The following FRAS1 variants were observed in gnomAD, a reference collection of about 807,000 sequenced individuals.
FRAS1 encodes extracellular matrix organizing protein FRAS1.
A neutral mutation model predicts 435.2 loss-of-function variants in FRAS1; 290 were observed. The ratio of observed to expected loss-of-function variants is 0.67; its 90% CI spans 0.61 to 0.73. The LOEUF is 0.73. Among genes scored for constraint, FRAS1 ranks in the 30% least tolerant of loss-of-function variants. FRAS1 has a pLI of 0.00. For synonymous variants in FRAS1, 1,800 were observed against 1,851.0 expected, an observed-to-expected ratio of 0.97 and a Z score of 0.71; for missense variants, 4,860 against 5,001.5, an observed-to-expected ratio of 0.97 and a Z score of 0.85.
intron 9 of FRAS1, among the ~76,000 whole-genome samples, chr4:78,277,168 G>T (rs775704748): frequency 1.1e-4 from 16 of 152,294 alleles, no homozygotes; most frequent in Admixed American, 4.6e-4. Flanking sequence ...TTGGAAAAGC[G>T]CAGTATTAGG....
intron 27 of FRAS1, 104 bp downstream of exon 27, chr4:78,380,100 A>T (rs1731955447): frequency 2.3e-6 from 3 of 1,296,202 alleles, no homozygotes; most frequent in Non-Finnish European, 3.2e-6. Flanking sequence ...AACCCTTCTC[A>T]TCTGGGGAAG....
chr4:78,375,751 G>T lies in FRAS1; in HGVS notation c.3164G>T (p.Gly1055Val). The T allele has an allele frequency of 1.3e-6, 2 of 1,599,536 alleles. No individual in the cohort carries two copies. The highest frequency in any genetic ancestry group is 1.7e-5 in the Admixed American group (1 of 57,290). The change falls in exon 26 of 74, where the codon GGG becomes GTG. Residue 1055 changes from glycine (G) to valine (V), a missense_variant. Coordinates refer to ENST00000512123, the MANE Select transcript of FRAS1 (RefSeq NM_025074.7). ...AKHKCTACPQ[G>V]CLQCSHRDRC... ...CCTTTTTTAATAGCCTGCCCTCAGG[G>T]GTGCTTGCAGTGCAGCCACAGGGAC...
intron 9 of FRAS1, among the ~76,000 whole-genome samples, chr4:78,272,038 T>C (rs1240207238): frequency 6.6e-6 from 1 of 152,204 alleles, no homozygotes; most frequent in Non-Finnish European, 1.5e-5. Flanking sequence ...CTCACTGTGG[T>C]TTTGATTTGC....
At chr4:78,126,828 A>G (rs2109974631) in intron 2 of FRAS1, among the ~76,000 whole-genome samples, 1 of 152,320 alleles carries the variant, frequency 6.6e-6, no homozygotes, top group South Asian at 2.1e-4. Flanking sequence ...CTTTGTGTGT[A>G]TATGTGTACC....
intron 1 of FRAS1, among the ~76,000 whole-genome samples, chr4:78,059,394 G>C (rs1005450470): frequency 6.6e-6 from 1 of 152,102 alleles, no homozygotes; most frequent in South Asian, 2.1e-4. Flanking sequence ...TGTGTGTCAA[G>C]TGTGTATAAT....
intron 2 of FRAS1, among the ~76,000 whole-genome samples, chr4:78,155,321 G>A (rs775608431): frequency 2.0e-5 from 3 of 152,136 alleles, no homozygotes; most frequent in Non-Finnish European, 2.9e-5. Flanking sequence ...TGGCATGCAT[G>A]TAATGTAAGA....
At position 78,372,793 on chromosome 4, in the gene FRAS1, T is replaced by C. The variant is rs1187856751; in HGVS notation, c.2945T>C (p.Leu982Pro). 1 of 1,613,204 alleles carries C rather than the reference T, an allele frequency of 6.2e-7. No individual in the cohort carries two copies. Among genetic ancestry groups the C allele is most frequent in the Non-Finnish European group, 8.5e-7 (1 of 1,179,706 alleles). Reference sequence around the variant, plus strand: ...CTGCAGTGCATGGATGGCTATGTTCTCCAGGATGGGGCCTGCGTGGAGCAG... The same window carrying C: ...CTGCAGTGCATGGATGGCTATGTTCCCCAGGATGGGGCCTGCGTGGAGCAG... ...DCLQCMDGYV[L>P]QDGACVEQCL... The change falls in exon 24 of 74, where the codon CTC becomes CCC. Residue 982 changes from leucine (L) to proline (P), a missense_variant. By Grantham distance (98) the Leu-to-Pro change is moderately conservative (BLOSUM62 -3). Coordinates refer to ENST00000512123, the MANE Select transcript of FRAS1 (RefSeq NM_025074.7).
At chr4:78,303,425 T>C (rs2110211228) in intron 14 of FRAS1, among the ~76,000 whole-genome samples, 1 of 152,316 alleles carries the variant, frequency 6.6e-6, no homozygotes, top group Non-Finnish European at 1.5e-5. Flanking sequence ...GGGGATGGCA[T>C]TGAATCTGTA....
rs1370658201 is a variant in FRAS1 at position 78,113,628 on chromosome 4, T to C, written c.108+47612T>C. 2.6e-5 allele frequency among the ~76,000 whole-genome samples: 4 copies of C among 152,374 alleles called. No individual in the cohort carries two copies. The East Asian group carries it at 7.7e-4, about 29-fold the overall frequency. Reference sequence around the variant, plus strand: ...TCTTTTGGCTCCATAAATGTCTTCTTTTGAGAAATGTCTGTTCATATCCTT... The same window carrying C: ...TCTTTTGGCTCCATAAATGTCTTCTCTTGAGAAATGTCTGTTCATATCCTT... On this transcript the variant is annotated intron_variant, in intron 2 of 73. Coordinates refer to ENST00000512123, the MANE Select transcript of FRAS1 (RefSeq NM_025074.7).
At position 78,267,373 on chromosome 4, in the gene FRAS1, T is replaced by C; in HGVS notation, c.922T>C (p.Cys308Arg). ...GGGCTCGGCCTGTGAGTTCTGCATG[T>C]GTGATCATGGCCAAGTGACCTGCCA... ...WKGSACEFCM[C>R]DHGQVTCQTG... Residue 308 changes from cysteine to arginine, a missense_variant, in exon 9 of 74, where the codon TGT becomes CGT. Physicochemically the swap from Cys to Arg is radical, Grantham distance 180 (BLOSUM62 -3). Coordinates refer to ENST00000512123, the MANE Select transcript of FRAS1 (RefSeq NM_025074.7). 1 of 1,613,888 alleles carries C rather than the reference T, an allele frequency of 6.2e-7. No homozygotes were observed. The highest frequency in any genetic ancestry group is 8.5e-7 in the Non-Finnish European group (1 of 1,179,858).
chr4:78,437,673 A>G (rs1734484563), intron 38 of FRAS1, among the ~76,000 whole-genome samples: 1 of 152,222 alleles, frequency 6.6e-6, no homozygotes, highest in Admixed American at 6.5e-5. Flanking sequence ...ACAACATAGC[A>G]TGAAAATTTG....
intron 63 of FRAS1, among the ~76,000 whole-genome samples, chr4:78,509,229 T>A (rs1720953707): frequency 6.6e-6 from 1 of 152,242 alleles, no homozygotes; most frequent in Non-Finnish European, 1.5e-5. Context: ...TGGTTCTGCC[T>A]GTTTTAAACT....
chr4:78,142,224 A>G (rs997347418), intron 2 of FRAS1, among the ~76,000 whole-genome samples: 9 of 152,044 alleles, frequency 5.9e-5, no homozygotes, highest in East Asian at 5.8e-4. Flanking sequence ...TCCTATGAGT[A>G]AGAGTGAGCA....
chr4:78,496,928 A>T lies in FRAS1; in HGVS notation c.9082A>T (p.Met3028Leu). 3.1e-6 allele frequency: 5 copies of T among 1,613,666 alleles called. No homozygotes were observed. Among genetic ancestry groups the T allele is most frequent in the Non-Finnish European group, 4.2e-6 (5 of 1,179,632 alleles). Residue 3028 changes from methionine to leucine, a missense_variant, in exon 60 of 74, where the codon ATG (methionine) becomes TTG (leucine). Coordinates refer to ENST00000512123, the MANE Select transcript of FRAS1 (RefSeq NM_025074.7). Reference sequence around the variant, plus strand: ...TGGAGCTAGAATTGGAAAGAATAACATGGCCACCATCACCATATCCAATGA... The same window carrying T: ...TGGAGCTAGAATTGGAAAGAATAACTTGGCCACCATCACCATATCCAATGA... Reference protein sequence around the residue: ...WSGARIGKNNMATITISNDED... With the variant: ...WSGARIGKNNLATITISNDED...
At chr4:78,529,274 C>A (rs4975138) in intron 70 of FRAS1, among the ~76,000 whole-genome samples, 1 of 151,972 alleles carries the variant, frequency 6.6e-6, no homozygotes, top group Non-Finnish European at 1.5e-5. Context: ...TAAGGAAGAA[C>A]AATGGGAAAA....
At chr4:78,276,976 C>T (rs938018491) in intron 9 of FRAS1, among the ~76,000 whole-genome samples, 4 of 152,160 alleles carry the variant, frequency 2.6e-5, no homozygotes, top group African/African-American at 7.2e-5. Flanking sequence ...GTTCGAGCTT[C>T]CCAGCCTCTT....
chr4:78,231,054 A>G (rs962548814), intron 2 of FRAS1, among the ~76,000 whole-genome samples: 2 of 152,108 alleles, frequency 1.3e-5, no homozygotes, highest in Non-Finnish European at 2.9e-5. Context: ...TCCCGGGTTC[A>G]AACGATTCTC....
At chr4:78,338,900 AG>A (rs1730288284) in intron 20 of FRAS1, among the ~76,000 whole-genome samples, 1 of 152,212 alleles carries the variant, frequency 6.6e-6, no homozygotes, top group Admixed American at 6.5e-5. Flanking sequence ...ATTAAAGACT[AG>A]ACATTTTGGT....
chr4:78,113,526 G>T (rs1221347396), intron 2 of FRAS1, among the ~76,000 whole-genome samples: 1 of 152,142 alleles, frequency 6.6e-6, no homozygotes, highest in South Asian at 2.1e-4. Context: ...CATTCTAACT[G>T]GTGTGAGATG....
Sources: gnomAD v4.1 joint callset for allele counts (sites outside exome capture counted in the v4.1 genomes callset) on GRCh38, gnomAD v4.1.1 for gene constraint, MANE v1.5 for transcripts, NCBI Gene and HGNC (gene_info 2026-07-23, HGNC 2026-07-21) for gene names.